DOCK4: variants seen among roughly 807,000 people sequenced by gnomAD.
DOCK4 encodes the protein dedicator of cytokinesis protein 4.
In DOCK4, 97 loss-of-function variants were observed where a neutral mutation model predicts 268.1. That is an observed-to-expected ratio of 0.36 (90% CI 0.31 to 0.43). The LOEUF (loss-of-function observed/expected upper bound fraction) is 0.43, where lower values mean the gene tolerates loss of function less well. DOCK4 is among the 20% of genes least tolerant of loss of function. The pLI, the probability that DOCK4 is intolerant of heterozygous loss-of-function variation, is 1.00. For synonymous variants in DOCK4, 954 were observed against 887.2 expected (o/e 1.08, Z -1.34); for missense variants, 2,145 against 2,455.7 (o/e 0.87, Z 2.67).
intron 11 of DOCK4, among the ~76,000 whole-genome samples, chr7:111,938,757 T>G (rs974710421): frequency 1.3e-5 from 2 of 152,066 alleles, no homozygotes; most frequent in African/African-American, 4.8e-5. Context: ...ACAGAGATAA[T>G]CATATAAGAA....
intron 1 of DOCK4, among the ~76,000 whole-genome samples, chr7:112,190,565 G>A (rs1003875523): frequency 4.6e-5 from 7 of 152,074 alleles, no homozygotes; most frequent in African/African-American, 1.4e-4. Flanking sequence ...GGAGGACAGC[G>A]TATGAGAGAA....
At chr7:112,044,231 C>T (rs923624289) in intron 1 of DOCK4, among the ~76,000 whole-genome samples, 2 of 152,120 alleles carry the variant, frequency 1.3e-5, no homozygotes, top group Admixed American at 6.5e-5. Flanking sequence ...GCTTACTATC[C>T]TGGCTTTTGT....
intron 1 of DOCK4, among the ~76,000 whole-genome samples, chr7:112,191,974 T>C (rs1345811157): frequency 1.3e-5 from 2 of 148,296 alleles, no homozygotes; most frequent in African/African-American, 4.9e-5. Context: ...ATTATAATTA[T>C]ATATAAGTAT....
intron 1 of DOCK4, among the ~76,000 whole-genome samples, chr7:112,026,386 C>A (rs954359386): frequency 6.6e-6 from 1 of 152,182 alleles, no homozygotes; most frequent in Non-Finnish European, 1.5e-5. Flanking sequence ...TGGAACAGTT[C>A]ATCCTGAAAC....
Position 111,951,315 on chromosome 7 carries a change from A to C in DOCK4, c.702-5517T>G, listed in dbSNP as rs116353502. Among the ~76,000 whole-genome samples, 621 of 152,268 alleles carry C rather than the reference A, an allele frequency of 4.1e-3. 7 individuals are homozygous for C. Among genetic ancestry groups the C allele is most frequent in the African/African-American group, 0.014 (582 of 41,544 alleles). On this transcript the variant is annotated intron_variant, in intron 8 of 52. Transcript: ENST00000428084. Reference sequence around the variant, plus strand: ...CTTCTCATTTAATTCTCCTCACCACAGTAGGAGGTGGAAACCACTGTTGTG... The same window carrying C: ...CTTCTCATTTAATTCTCCTCACCACCGTAGGAGGTGGAAACCACTGTTGTG...
At chr7:111,939,199 G>A (rs2134751092) in intron 11 of DOCK4, among the ~76,000 whole-genome samples, 1 of 152,090 alleles carries the variant, frequency 6.6e-6, no homozygotes, top group East Asian at 1.9e-4. Flanking sequence ...GGAAATGTGA[G>A]ACAACACATT....
chr7:111,842,721 G>C (rs961732714), intron 25 of DOCK4, among the ~76,000 whole-genome samples: 1 of 152,202 alleles, frequency 6.6e-6, no homozygotes, highest in Non-Finnish European at 1.5e-5. Context: ...CTAGTAGAGA[G>C]TCAGGACGGT....
chr7:112,198,949 T>C (rs1017541431), intron 1 of DOCK4, among the ~76,000 whole-genome samples: 4 of 152,238 alleles, frequency 2.6e-5, no homozygotes, highest in Admixed American at 6.5e-5. Flanking sequence ...TCATGTAAGT[T>C]GTTTCACAGA....
intron 30 of DOCK4, among the ~76,000 whole-genome samples, chr7:111,792,993 T>G (rs1283929631): frequency 6.6e-6 from 1 of 152,248 alleles, no homozygotes; most frequent in Non-Finnish European, 1.5e-5. Context: ...CAATGACTTC[T>G]GGACAATCAG....
Position 111,765,223 on chromosome 7 carries a change from C to A in DOCK4, c.3916-1G>T, listed in dbSNP as rs868494318. ...TGTCATACAAAGAGGCTTCCATCAT[C>A]TAGAAAGCACAGGAAACATTCTAAG... On this transcript the variant is annotated splice_acceptor_variant, in intron 38 of 52. Coordinates refer to ENST00000428084, the MANE Select transcript of DOCK4 (RefSeq NM_001363540.2). LOFTEE classifies it high-confidence loss of function. 1 of 1,507,206 alleles carries A rather than the reference C, an allele frequency of 6.6e-7. No individual in the cohort carries two copies. The highest frequency in any genetic ancestry group is 2.4e-5 in the East Asian group (1 of 41,300). The allele number at this position is 1,507,206 out of a possible 1,614,324, so 93.4% of individuals were successfully genotyped here.
intron 13 of DOCK4, among the ~76,000 whole-genome samples, chr7:111,911,477 G>T (rs1425477126): frequency 6.6e-6 from 1 of 150,658 alleles, no homozygotes; most frequent in Non-Finnish European, 1.5e-5. Context: ...AGGAAGAAAG[G>T]GAAAAAAAAA....
intron 44 of DOCK4, among the ~76,000 whole-genome samples, chr7:111,742,975 G>A (rs1179901026): frequency 2.0e-5 from 3 of 151,180 alleles, no homozygotes; most frequent in African/African-American, 4.9e-5. Flanking sequence ...CTAGGTGACA[G>A]AGCTAGACTC....
At chr7:111,918,622 CCCCACCTA>C (rs1792825981) in intron 12 of DOCK4, among the ~76,000 whole-genome samples, 1 of 152,148 alleles carries the variant, frequency 6.6e-6, no homozygotes, top group Non-Finnish European at 1.5e-5. Flanking sequence ...CACTCTCTAC[CCCCACCTA>C]ATCATGGGTG....
intron 42 of DOCK4, among the ~76,000 whole-genome samples, chr7:111,749,878 T>A (rs1796516673): frequency 6.6e-6 from 1 of 152,204 alleles, no homozygotes; most frequent in African/African-American, 2.4e-5. Flanking sequence ...AGTTATCCCC[T>A]CTAGACAGGG....
At chr7:111,796,218 G>A (rs1397422467) in intron 30 of DOCK4, among the ~76,000 whole-genome samples, 1 of 152,200 alleles carries the variant, frequency 6.6e-6, no homozygotes, top group Non-Finnish European at 1.5e-5. Flanking sequence ...GTGAGTTCAA[G>A]TGCTCAAAGT....
intron 30 of DOCK4, among the ~76,000 whole-genome samples, chr7:111,802,397 G>A (rs1248850949): frequency 6.6e-6 from 1 of 152,212 alleles, no homozygotes; most frequent in Non-Finnish European, 1.5e-5. Context: ...TGCCCCAGCA[G>A]AGCCCCAGCT....
chr7:111,881,800 T>C (rs1230803268), intron 16 of DOCK4, among the ~76,000 whole-genome samples: 1 of 152,172 alleles, frequency 6.6e-6, no homozygotes, highest in Non-Finnish European at 1.5e-5. Context: ...CTGGAGGTCA[T>C]TATGTTAAGT....
At chr7:112,025,379 G>A (rs1016241822) in intron 1 of DOCK4, among the ~76,000 whole-genome samples, 1 of 152,126 alleles carries the variant, frequency 6.6e-6, no homozygotes, top group African/African-American at 2.4e-5. Flanking sequence ...TTTATACCGT[G>A]GGTTGGAGTA....
At chr7:112,111,781 A>C (rs1301916082) in intron 1 of DOCK4, among the ~76,000 whole-genome samples, 2 of 152,196 alleles carry the variant, frequency 1.3e-5, no homozygotes, top group East Asian at 3.9e-4. Flanking sequence ...GAATTGTCAG[A>C]TACTTTAAAT....
Sources: allele counts gnomAD v4.1 joint callset (sites outside exome capture counted in the v4.1 genomes callset), GRCh38; gene constraint gnomAD v4.1.1; transcripts MANE v1.5; gene names NCBI Gene and HGNC (gene_info 2026-07-23, HGNC 2026-07-21).